Variants in UBE3C observed in about 807,000 individuals in gnomAD.
The protein encoded by UBE3C is ubiquitin protein ligase E3C.
A neutral mutation model predicts 129.4 loss-of-function variants in UBE3C; 42 were observed. The ratio of observed to expected loss-of-function variants is 0.32; its 90% CI spans 0.25 to 0.42. The LOEUF (loss-of-function observed/expected upper bound fraction) is 0.42. Among genes scored for constraint, UBE3C ranks in the 10% least tolerant of loss-of-function variants. UBE3C has a pLI of 1.00. For missense variants in UBE3C, 1,049 were observed against 1,319.1 expected (o/e 0.80, Z 3.17); for synonymous variants, 510 against 492.4 (o/e 1.04, Z -0.47).
chr7:157,267,530 C>A, intron 22 of UBE3C, 55 bp from the exon 23 acceptor site: 1 of 1,596,668 alleles, frequency 6.3e-7, no homozygotes, highest in South Asian at 1.1e-5. Flanking sequence ...TGTATTAAAA[C>A]TCATGTAATG....
intron 2 of UBE3C, among the ~76,000 whole-genome samples, chr7:157,167,688 C>T (rs1239433587): frequency 2.0e-5 from 3 of 152,106 alleles, no homozygotes; most frequent in Admixed American, 6.5e-5. Flanking sequence ...AGGCACCCGC[C>T]ACCATGCCCG....
intron 14 of UBE3C, among the ~76,000 whole-genome samples, chr7:157,218,958 C>A (rs1795661102): frequency 6.6e-6 from 1 of 152,186 alleles, no homozygotes; most frequent in Non-Finnish European, 1.5e-5. Context: ...AAGAAGTACT[C>A]AAGCATTTAA....
chr7:157,205,032 C>T (rs1190893794), intron 11 of UBE3C, among the ~76,000 whole-genome samples: 1 of 152,240 alleles, frequency 6.6e-6, no homozygotes, highest in Non-Finnish European at 1.5e-5. Context: ...CCTAGCTCCC[C>T]TGAGTTATGT....
intron 13 of UBE3C, among the ~76,000 whole-genome samples, chr7:157,212,035 A>G (rs1430179099): frequency 6.6e-6 from 1 of 152,200 alleles, no homozygotes; most frequent in Non-Finnish European, 1.5e-5. Context: ...TTACTTTTAT[A>G]TATTCTTCTT....
chr7:157,220,165 C>T (rs1055810941), intron 14 of UBE3C, among the ~76,000 whole-genome samples: 10 of 151,954 alleles, frequency 6.6e-5, no homozygotes, highest in African/African-American at 2.2e-4. Flanking sequence ...GGGCTGAGGT[C>T]GCACCACTGC....
chr7:157,197,551 T>A (rs1426068540), intron 10 of UBE3C: 2 of 1,172,288 alleles, frequency 1.7e-6, no homozygotes, highest in Non-Finnish European at 2.5e-6. Context: ...TCCTTATTAA[T>A]ACGACACATC....
At chr7:157,161,169 T>G (rs1808058533) in intron 1 of UBE3C, among the ~76,000 whole-genome samples, 1 of 152,212 alleles carries the variant, frequency 6.6e-6, no homozygotes, top group Admixed American at 6.5e-5. Flanking sequence ...GATTAGTTAA[T>G]GTTATTGTAT....
chr7:157,262,710 C>T (rs539166985), intron 22 of UBE3C, among the ~76,000 whole-genome samples: 6 of 152,102 alleles, frequency 3.9e-5, no homozygotes, highest in African/African-American at 1.2e-4. Context: ...CATGAGCCAC[C>T]GCGCCCATCC....
At chr7:157,242,542 T>C (rs1026954725) in intron 18 of UBE3C, among the ~76,000 whole-genome samples, 1 of 129,470 alleles carries the variant, frequency 7.7e-6, no homozygotes, top group African/African-American at 2.8e-5. Context: ...TTTTTTAAAT[T>C]CCTACTGTCT....
Position 157,139,488 on chromosome 7 carries a change from C to T in UBE3C, c.66+150C>T, listed in dbSNP as rs796816158. On this transcript the variant is annotated intron_variant, in intron 1 of 22. Transcript: ENST00000348165. Reference sequence around the variant, plus strand: ...CCCTGGCGGGGACTCGGGGCTTCCTCGCCGGATCTCGGGGCCGCTCCGGCC... The same window carrying T: ...CCCTGGCGGGGACTCGGGGCTTCCTTGCCGGATCTCGGGGCCGCTCCGGCC... 1.3e-4 allele frequency: 93 copies of T among 698,092 alleles called. No homozygotes were observed. The African/African-American group carries it at 1.5e-3, about 11-fold the overall frequency. The allele number at this position is 698,092 out of a possible 1,614,324, so 43.2% of individuals were successfully genotyped here. A position where few individuals can be genotyped will look rare whatever the true frequency, so the allele number is the denominator to read the frequency against.
chr7:157,218,040 A>G (rs1189313242), intron 14 of UBE3C, among the ~76,000 whole-genome samples: 2 of 151,908 alleles, frequency 1.3e-5, no homozygotes, highest in African/African-American at 2.4e-5. Flanking sequence ...AACAAAAAAT[A>G]TAAGTGATGT....
chr7:157,144,906 C>T (rs1807563701), intron 1 of UBE3C, among the ~76,000 whole-genome samples: 1 of 152,164 alleles, frequency 6.6e-6, no homozygotes, highest in East Asian at 1.9e-4. Flanking sequence ...GTGTGTTGTG[C>T]ATTGTGTAGG....
At chr7:157,156,492 A>G (rs1340706507) in intron 1 of UBE3C, among the ~76,000 whole-genome samples, 1 of 151,440 alleles carries the variant, frequency 6.6e-6, no homozygotes, top group African/African-American at 2.4e-5. Flanking sequence ...TTTTTCATAG[A>G]GACAGGGTTT....
rs1808478343 is a variant in UBE3C, at chr7:157,175,038, A to G, written c.458+4A>G. 9 of 1,607,404 alleles carry G rather than the reference A, an allele frequency of 5.6e-6. No homozygotes were observed. Among genetic ancestry groups the G allele is most frequent in the Non-Finnish European group, 6.8e-6 (8 of 1,176,484 alleles). On this transcript the variant is annotated splice_donor_region_variant and intron_variant, in intron 5 of 22. Transcript: ENST00000348165. Reference sequence around the variant, plus strand: ...GATTGATGAGCCTCTGTTGCAGGTAAAATTCTATTGTAAGTCAGTAACGTA... The same window carrying G: ...GATTGATGAGCCTCTGTTGCAGGTAGAATTCTATTGTAAGTCAGTAACGTA...
chr7:157,192,755 T>C, intron 10 of UBE3C: 2 of 1,171,822 alleles, frequency 1.7e-6, no homozygotes, highest in Non-Finnish European at 2.5e-6. Context: ...CTGGAGTGTT[T>C]ATGGCAAGTC....
intron 9 of UBE3C, among the ~76,000 whole-genome samples, chr7:157,185,981 T>C (rs1218735192): frequency 2.0e-5 from 3 of 152,190 alleles, no homozygotes; most frequent in Non-Finnish European, 4.4e-5. Context: ...TATATTCATA[T>C]ATACACATAC....
intron 10 of UBE3C, among the ~76,000 whole-genome samples, chr7:157,188,543 A>G (rs1260865316): frequency 1.3e-5 from 2 of 152,256 alleles, no homozygotes; most frequent in East Asian, 1.9e-4. Context: ...TTGTCGCACA[A>G]CCCATTGCTG....
chr7:157,183,799 A>C, intron 8 of UBE3C, 79 bp from the exon 9 acceptor site: 1 of 1,518,814 alleles, frequency 6.6e-7, no homozygotes, highest in Non-Finnish European at 8.9e-7. Context: ...TCTGCGTGTG[A>C]GGAAAAATGG....
At chr7:157,217,574 C>A (rs1160511497) in intron 14 of UBE3C, among the ~76,000 whole-genome samples, 1 of 151,994 alleles carries the variant, frequency 6.6e-6, no homozygotes, top group African/African-American at 2.4e-5. Flanking sequence ...CGGTGGCTCA[C>A]GCCTGTAATC....
Sources: gnomAD v4.1 joint callset for allele counts (sites outside exome capture counted in the v4.1 genomes callset) on GRCh38, gnomAD v4.1.1 for gene constraint, MANE v1.5 for transcripts, NCBI Gene and HGNC (gene_info 2026-07-23, HGNC 2026-07-21) for gene names.